Variants in MYO3B observed in about 807,000 individuals in gnomAD.
The protein encoded by MYO3B is myosin IIIB, also known as myosin-IIIb.
A neutral mutation model predicts 174.6 loss-of-function variants in MYO3B; 156 were observed. The ratio of observed to expected loss-of-function variants is 0.89; its 90% CI spans 0.78 to 1.02. The LOEUF (loss-of-function observed/expected upper bound fraction) is 1.02, where lower values mean the gene tolerates loss of function less well. Ranked by LOEUF, MYO3B falls within the 50% of genes least tolerant of loss-of-function variation. The pLI, the probability that MYO3B is intolerant of heterozygous loss-of-function variation, is 0.00. For synonymous variants in MYO3B, 563 were observed against 569.1 expected (o/e 0.99, Z 0.15); for missense variants, 1,632 against 1,639.4 (o/e 1.00, Z 0.08).
chr2:170,179,845 T>C (rs1244588941), intron 1 of MYO3B, among the ~76,000 whole-genome samples: 2 of 152,216 alleles, frequency 1.3e-5, no homozygotes, highest in African/African-American at 4.8e-5. Flanking sequence ...GCTTGTATGG[T>C]ATGTGTTTCC....
At chr2:170,318,665 G>A (rs1235336757) in intron 7 of MYO3B, among the ~76,000 whole-genome samples, 2 of 152,176 alleles carry the variant, frequency 1.3e-5, no homozygotes, top group Non-Finnish European at 2.9e-5. Context: ...GGTGGCAAGA[G>A]CAGAGCAGGA....
At chr2:170,370,254 A>G (rs1260002626) in intron 9 of MYO3B, among the ~76,000 whole-genome samples, 1 of 152,348 alleles carries the variant, frequency 6.6e-6, no homozygotes, top group East Asian at 1.9e-4. Context: ...ATAAAATATC[A>G]TAAGTTACAA....
chr2:170,327,872 TATAC>T (rs71006082), intron 7 of MYO3B, among the ~76,000 whole-genome samples: 73,673 of 146,450 alleles, frequency 0.5, 20,155 homozygotes, highest in East Asian at 0.66. Context: ...TATATATATA[TATAC>T]ACTATATATA....
chr2:170,184,993 T>A (rs1170407251), intron 1 of MYO3B, among the ~76,000 whole-genome samples: 2 of 152,150 alleles, frequency 1.3e-5, no homozygotes, highest in African/African-American at 4.8e-5. Flanking sequence ...AATATCTGTT[T>A]AGGTCATTTG....
At chr2:170,491,365 C>A (rs1262720267) in intron 25 of MYO3B, among the ~76,000 whole-genome samples, 1 of 152,080 alleles carries the variant, frequency 6.6e-6, no homozygotes, top group African/African-American at 2.4e-5. Flanking sequence ...TTGTTGATTT[C>A]TAATTTAATT....
Position 170,560,660 on chromosome 2 carries a change from G to A in MYO3B, c.3733+16672G>A, listed in dbSNP as rs140806281. Among the ~76,000 whole-genome samples the A allele has an allele frequency of 5.0e-3, 763 of 152,298 alleles. 4 individuals carry two copies. The highest frequency in any genetic ancestry group is 0.017 in the African/African-American group (726 of 41,558). On this transcript the variant is annotated intron_variant, in intron 32 of 34. Transcript: ENST00000408978. The stretch of plus-strand genomic sequence containing the variant: ...GATCTACAAAGATCTTAGGGGATGA[G>A]TTTACACACTATCCTAATTTCAAAG...
chr2:170,341,046 C>G (rs528523522), intron 8 of MYO3B: 101 of 152,220 alleles, frequency 6.6e-4, no homozygotes, highest in African/African-American at 2.3e-3. Context: ...AGCAGTTGCC[C>G]TGAATGTTAA....
chr2:170,318,692 G>A (rs1459666444), intron 7 of MYO3B, among the ~76,000 whole-genome samples: 1 of 152,204 alleles, frequency 6.6e-6, no homozygotes, highest in African/African-American at 2.4e-5. Context: ...TCTATGCAGA[G>A]AAGACGTATA....
chr2:170,312,627 G>T (rs964839847), intron 7 of MYO3B, among the ~76,000 whole-genome samples: 1 of 152,250 alleles, frequency 6.6e-6, no homozygotes, highest in African/African-American at 2.4e-5. Flanking sequence ...CTGCGTGGAA[G>T]GCTGGTGGGA....
chr2:170,414,354 A>AT (rs1163035060), intron 22 of MYO3B, among the ~76,000 whole-genome samples: 1 of 151,902 alleles, frequency 6.6e-6, no homozygotes, highest in Non-Finnish European at 1.5e-5. Context: ...CGCCTGGCTA[A>AT]TTTTTTGCAT....
chr2:170,301,874 CTTTTTT>C (rs10538086), intron 7 of MYO3B, among the ~76,000 whole-genome samples: 1 of 74,738 alleles, frequency 1.3e-5, no homozygotes, highest in South Asian at 5.8e-4. Flanking sequence ...AAAGTGGAGG[CTTTTTT>C]TTTTTTTTTT....
intron 22 of MYO3B, among the ~76,000 whole-genome samples, chr2:170,432,037 A>G (rs748791441): frequency 2.0e-5 from 3 of 152,272 alleles, no homozygotes; most frequent in Admixed American, 6.5e-5. Context: ...TATAACAGAT[A>G]CAGTTATGTG....
chr2:170,616,101 T>C (rs560449204), intron 32 of MYO3B, among the ~76,000 whole-genome samples: 46 of 152,234 alleles, frequency 3.0e-4, no homozygotes, highest in African/African-American at 1.1e-3. Context: ...GCAGTAACAA[T>C]TGCAACAAAA....
chr2:170,491,535 C>T (rs530305361), intron 25 of MYO3B, among the ~76,000 whole-genome samples: 1 of 152,296 alleles, frequency 6.6e-6, no homozygotes, highest in South Asian at 2.1e-4. Flanking sequence ...ACGCCATTCT[C>T]CTGCCTCAGC....
chr2:170,368,750 T>TCC (rs2094216927), intron 8 of MYO3B, among the ~76,000 whole-genome samples: 1 of 152,214 alleles, frequency 6.6e-6, no homozygotes, highest in African/African-American at 2.4e-5. Flanking sequence ...GATTAGTTTT[T>TCC]TTCCTTTTAA....
rs1699156359 is a variant in MYO3B, at chr2:170,654,037, A to AAACTT, written c.*921_*925dup. The AAACTT allele has an allele frequency of 6.6e-6, 1 of 152,214 alleles. No individual in the cohort carries two copies. Among genetic ancestry groups the AAACTT allele is most frequent in the South Asian group, 2.1e-4 (1 of 4,826 alleles). The allele number at this position is 152,214 out of a possible 1,614,324, so 9.4% of individuals were successfully genotyped here. The stretch of plus-strand genomic sequence containing the variant: ...TCTAGTGAATGGAGAATACATGGAG[A>AAACTT]AACTTAACTAAGTTACACAAGCATA... On this transcript the variant is annotated 3_prime_UTR_variant, in exon 35 of 35. Coordinates refer to ENST00000408978, the MANE Select transcript of MYO3B (RefSeq NM_138995.5).
intron 12 of MYO3B, among the ~76,000 whole-genome samples, chr2:170,385,618 G>A (rs1311029560): frequency 3.9e-5 from 6 of 152,086 alleles, no homozygotes; most frequent in South Asian, 2.1e-4. Flanking sequence ...GACAGGTCAT[G>A]TAAAAGAAAA....
chr2:170,382,983 T>C, intron 10 of MYO3B, 90 bp from the exon 11 acceptor site: 1 of 812,486 alleles, frequency 1.2e-6, no homozygotes, highest in Non-Finnish European at 2.1e-6. Context: ...GAGAAAGATG[T>C]TCTTGGAAGA....
intron 32 of MYO3B, among the ~76,000 whole-genome samples, chr2:170,597,815 T>C (rs1170554834): frequency 1.3e-5 from 2 of 152,172 alleles, no homozygotes; most frequent in Non-Finnish European, 2.9e-5. Flanking sequence ...TGTTTATTGC[T>C]CACTTAACTA....
Sources: allele counts gnomAD v4.1 joint callset (sites outside exome capture counted in the v4.1 genomes callset), GRCh38; gene constraint gnomAD v4.1.1; transcripts MANE v1.5; gene names NCBI Gene and HGNC (gene_info 2026-07-23, HGNC 2026-07-21).